NHS: variants seen among roughly 807,000 people sequenced by gnomAD.
NHS encodes the protein NHS actin remodeling regulator.
In NHS, 5 loss-of-function variants were observed where a neutral mutation model predicts 72.5. That is an observed-to-expected ratio of 0.07 (90% CI 0.04 to 0.14). NHS has a LOEUF of 0.14. NHS is among the 10% of genes least tolerant of loss of function. NHS has a pLI of 1.00. For missense variants in NHS, 1,072 were observed against 1,355.7 expected (o/e 0.79, Z 3.29); for synonymous variants, 464 against 547.7 (o/e 0.85, Z 2.13).
intron 1 of NHS, among the ~76,000 whole-genome samples, chrX:17,583,812 T>A (rs2065557970): frequency 8.9e-6 from 1 of 112,547 alleles, no homozygotes; most frequent in African/African-American, 3.2e-5. Flanking sequence ...AGTGAAAGTT[T>A]TCTGCTATTT....
chrX:17,438,171 G>A (rs1357849040), intron 1 of NHS, among the ~76,000 whole-genome samples: 1 of 111,736 alleles, frequency 8.9e-6, no homozygotes, highest in African/African-American at 3.3e-5. Flanking sequence ...CAGTAGATCT[G>A]GGCTCAGGGC....
intron 1 of NHS, among the ~76,000 whole-genome samples, chrX:17,611,890 C>A: frequency 8.9e-6 from 1 of 111,768 alleles, no homozygotes; most frequent in East Asian, 2.8e-4. Flanking sequence ...CTGTTCAGAT[C>A]TTGTGCATTT....
chrX:17,729,517 G>A (rs1403554633), intron 8 of NHS, among the ~76,000 whole-genome samples: 2 of 111,453 alleles, frequency 1.8e-5, no homozygotes, highest in African/African-American at 6.5e-5. Context: ...AATAGTACTG[G>A]CCTTCATCCC....
intron 1 of NHS, among the ~76,000 whole-genome samples, chrX:17,430,305 TTCTTTCTTTCC>T (rs1569252772): frequency 9.1e-5 from 8 of 87,787 alleles, no homozygotes; most frequent in African/African-American, 3.6e-4. Context: ...CTTTCTTTCT[TTCTTTCTTTCC>T]TTTCTTTCTT....
At chrX:17,551,443 C>G (rs1270305071) in intron 1 of NHS, among the ~76,000 whole-genome samples, 1 of 111,742 alleles carries the variant, frequency 8.9e-6, no homozygotes, top group Non-Finnish European at 1.9e-5. Context: ...TCTCTGGAAC[C>G]TGCCCCCTTC....
intron 1 of NHS, chrX:17,635,484 C>G (rs1235788676): frequency 8.6e-7 from 1 of 1,167,376 alleles, no homozygotes. Context: ...TTAAGCAGAT[C>G]AGCTTTCAGC....
chrX:17,639,616 T>A (rs2065870491), intron 1 of NHS, among the ~76,000 whole-genome samples: 2 of 112,131 alleles, frequency 1.8e-5, no homozygotes. Context: ...CCCATTAATC[T>A]ATTAATCCAT....
chrX:17,458,993 G>T (rs1420690402), intron 1 of NHS, among the ~76,000 whole-genome samples: 2 of 112,629 alleles, frequency 1.8e-5, no homozygotes, highest in Non-Finnish European at 3.8e-5. Flanking sequence ...AGCTCTGGGG[G>T]TGGGACCCAG....
rs1260720066 is a variant in NHS at position 17,725,736 on chromosome X, G to T, written c.1630G>T (p.Asp544Tyr). 3 of 1,209,125 alleles carry T rather than the reference G, an allele frequency of 2.5e-6. No homozygotes were observed. Among genetic ancestry groups the T allele is most frequent in the Non-Finnish European group, 3.4e-6 (3 of 895,059 alleles). ...FVGDHERTPN[D>Y]FSEAPSSPSA... Reference sequence around the variant, plus strand: ...GGGTGACCATGAAAGAACCCCTAATGATTTCAGTGAGGCTCCAAGCAGCCC... The same window carrying T: ...GGGTGACCATGAAAGAACCCCTAATTATTTCAGTGAGGCTCCAAGCAGCCC... The change falls in exon 7 of 9, where the codon GAT becomes TAT. Residue 544 changes from aspartate to tyrosine, a missense_variant. Transcript: ENST00000676302.
At chrX:17,479,484 C>T (rs367700458) in intron 1 of NHS, among the ~76,000 whole-genome samples, 9 of 112,372 alleles carry the variant, frequency 8.0e-5, no homozygotes, top group African/African-American at 1.9e-4. Context: ...ACCACAATGT[C>T]TTCCACAATG....
chrX:17,386,686 A>G (rs12841742), intron 1 of NHS, among the ~76,000 whole-genome samples: 4 of 105,068 alleles, frequency 3.8e-5, no homozygotes, highest in Admixed American at 2.0e-4. Flanking sequence ...AAAAAAAAAG[A>G]AAAAGAAAAA....
rs767741394 is a variant in NHS, at chrX:17,637,740, C to T, written c.566-50002C>T. On this transcript the variant is annotated intron_variant, in intron 1 of 8. Coordinates refer to ENST00000676302, the MANE Select transcript of NHS (RefSeq NM_001291867.2). ...AGTTACTCTGATCTTCACCAGCTTT[C>T]AAACTGGAATCTCAAAGGGAGTTCT... Among the ~76,000 whole-genome samples the T allele has an allele frequency of 1.7e-4, 19 of 112,223 alleles. No individual in the cohort carries two copies. The East Asian group carries it at 5.3e-3, about 31-fold the overall frequency.
chrX:17,702,943 T>G (rs1486306361), intron 3 of NHS, among the ~76,000 whole-genome samples: 1 of 110,178 alleles, frequency 9.1e-6, no homozygotes, highest in Non-Finnish European at 1.9e-5. Flanking sequence ...CCCATCCCTT[T>G]AAGGTGGTAT....
intron 1 of NHS, chrX:17,635,199 A>C: frequency 1.5e-6 from 1 of 646,280 alleles, no homozygotes; most frequent in Non-Finnish European, 2.0e-6. Context: ...GCTGTAAAGA[A>C]GTCCCACTGC....
At chrX:17,604,711 T>A (rs1406635207) in intron 1 of NHS, among the ~76,000 whole-genome samples, 1 of 112,094 alleles carries the variant, frequency 8.9e-6, no homozygotes, top group East Asian at 2.8e-4. Flanking sequence ...TATTTGATTG[T>A]TGGGTGAATG....
At chrX:17,441,958 A>G (rs183294272) in intron 1 of NHS, among the ~76,000 whole-genome samples, 65 of 112,075 alleles carry the variant, frequency 5.8e-4, no homozygotes, top group Non-Finnish European at 7.0e-4. Context: ...GGACTTGTTT[A>G]AACAAGATGT....
At chrX:17,588,913 C>T (rs145542549) in intron 1 of NHS, among the ~76,000 whole-genome samples, 19 of 111,732 alleles carry the variant, frequency 1.7e-4, no homozygotes, top group African/African-American at 1.3e-4. Flanking sequence ...TTGGGAATCA[C>T]GGATCTGCAT....
At chrX:17,574,212 G>C (rs752859975) in intron 1 of NHS, among the ~76,000 whole-genome samples, 335 of 112,369 alleles carry the variant, frequency 3.0e-3, no homozygotes, top group Non-Finnish European at 4.6e-3. Context: ...GCTCTCTTCA[G>C]AGCTGTCAGG....
intron 1 of NHS, among the ~76,000 whole-genome samples, chrX:17,457,802 T>C (rs1458432523): frequency 9.0e-6 from 1 of 111,142 alleles, no homozygotes; most frequent in African/African-American, 3.3e-5. Context: ...GTAGAAACCA[T>C]GTATATTATG....
Sources: allele counts gnomAD v4.1 joint callset (sites outside exome capture counted in the v4.1 genomes callset), GRCh38; gene constraint gnomAD v4.1.1; transcripts MANE v1.5; gene names NCBI Gene and HGNC (gene_info 2026-07-23, HGNC 2026-07-21).